ITCH: variants seen among roughly 807,000 people sequenced by gnomAD.
ITCH encodes the protein E3 ubiquitin-protein ligase Itchy homolog.
In ITCH, 28 loss-of-function variants were observed where a neutral mutation model predicts 126.8. The observed-to-expected ratio is 0.22, with a 90% CI of 0.16 to 0.30. The LOEUF (loss-of-function observed/expected upper bound fraction) is 0.30. Among genes scored for constraint, ITCH ranks in the 10% least tolerant of loss-of-function variants. The pLI, the probability that ITCH is intolerant of heterozygous loss-of-function variation, is 1.00. For synonymous variants in ITCH, 342 were observed against 340.0 expected (o/e 1.01, Z -0.06); for missense variants, 631 against 1,032.4 (o/e 0.61, Z 5.33).
chr20:34,412,516 A>G lies in ITCH; in HGVS notation c.214A>G (p.Ile72Val), dbSNP rs746815909. The part of the protein sequence containing the change: ...SPKWKQPLTV[I>V]VTPVSKLHFR... ...TTTTCCCTCTTTTTTCACTTTTAGTATCGTTACCCCTGTGAGTAAATTACA... is the reference window on the plus strand; with the variant it reads ...TTTTCCCTCTTTTTTCACTTTTAGTGTCGTTACCCCTGTGAGTAAATTACA... The change falls in exon 5 of 25, where the codon ATC becomes GTC. Residue 72 changes from isoleucine (I) to valine (V), a missense_variant and splice_region_variant. Coordinates refer to ENST00000374864, the MANE Select transcript of ITCH (RefSeq NM_031483.7). 1.3e-6 allele frequency: 2 copies of G among 1,589,146 alleles called. No homozygotes were observed. Among genetic ancestry groups the G allele is most frequent in the Non-Finnish European group, 1.7e-6 (2 of 1,157,536 alleles).
chr20:34,396,289 C>G (rs1184337460), intron 3 of ITCH, among the ~76,000 whole-genome samples: 1 of 151,944 alleles, frequency 6.6e-6, no homozygotes, highest in African/African-American at 2.4e-5. Context: ...CTGCCTCGGC[C>G]TACCAATGTG....
At chr20:34,459,861 G>T (rs1187641879) in intron 13 of ITCH, among the ~76,000 whole-genome samples, 1 of 152,090 alleles carries the variant, frequency 6.6e-6, no homozygotes, top group Non-Finnish European at 1.5e-5. Context: ...AATTTATTCA[G>T]TTTCCATAAA....
chr20:34,441,591 A>ATTTTTTT (rs55890829), intron 9 of ITCH: 93,243 of 137,056 alleles, frequency 0.68, 33,204 homozygotes, highest in African/African-American at 0.86. Flanking sequence ...TGCCCAGCTA[A>ATTTTTTT]TTTTTTTTTT....
intron 20 of ITCH, among the ~76,000 whole-genome samples, chr20:34,483,626 G>C (rs980149906): frequency 2.6e-5 from 4 of 152,168 alleles, no homozygotes; most frequent in Non-Finnish European, 5.9e-5. Context: ...ATTGCTGTCA[G>C]CATTTTGGTC....
At chr20:34,442,844 C>T (rs765496241) in intron 10 of ITCH, among the ~76,000 whole-genome samples, 14 of 150,480 alleles carry the variant, frequency 9.3e-5, no homozygotes, top group South Asian at 2.1e-4. Flanking sequence ...GGCATGGTGG[C>T]GGGCACCTAT....
intron 20 of ITCH, among the ~76,000 whole-genome samples, chr20:34,482,865 G>A (rs944777954): frequency 3.3e-5 from 5 of 152,164 alleles, no homozygotes; most frequent in African/African-American, 1.2e-4. Flanking sequence ...CCTGCAAGCA[G>A]ACTTTTGCCT....
chr20:34,479,865 T>G, intron 18 of ITCH, 76 bp downstream of exon 18: 1 of 1,271,006 alleles, frequency 7.9e-7, no homozygotes, highest in Non-Finnish European at 1.1e-6. Flanking sequence ...CCATAACAGA[T>G]CATATGAGAG....
At chr20:34,439,630 CTT>C (rs1278183273) in intron 8 of ITCH, among the ~76,000 whole-genome samples, 1 of 152,128 alleles carries the variant, frequency 6.6e-6, no homozygotes, top group African/African-American at 2.4e-5. Flanking sequence ...TTTAAGATGT[CTT>C]TATTATAATC....
chr20:34,468,756 A>C (rs1047035060), intron 14 of ITCH, among the ~76,000 whole-genome samples: 1 of 151,228 alleles, frequency 6.6e-6, no homozygotes, highest in Non-Finnish European at 1.5e-5. Flanking sequence ...GCGCCACTGC[A>C]CTCCAGCCTG....
At chr20:34,440,078 T>A (rs553590322) in intron 8 of ITCH, 77 bp from the exon 9 acceptor site, 11 of 1,046,894 alleles carry the variant, frequency 1.1e-5, no homozygotes, top group South Asian at 8.2e-5. Flanking sequence ...CTGCCTTTTA[T>A]TTTTTACAGT....
rs150949577 is a variant in ITCH, at chr20:34,400,948, G to A, written c.70+7067G>A. On this transcript the variant is annotated intron_variant, in intron 3 of 24. Transcript: ENST00000374864. ...CACTTTTTGTATTTTTAGTAGAGAT[G>A]AGGCTTTACCATGTTGTCCAGGCTG... Among the ~76,000 whole-genome samples the A allele has an allele frequency of 2.0e-5, 3 of 152,184 alleles. No individual in the cohort carries two copies. The East Asian group carries it at 5.8e-4, about 29-fold the overall frequency.
intron 23 of ITCH, among the ~76,000 whole-genome samples, chr20:34,494,173 T>G (rs1989706914): frequency 6.6e-6 from 1 of 152,144 alleles, no homozygotes; most frequent in African/African-American, 2.4e-5. Context: ...GAGGTTGCAG[T>G]GAGCTGAGAT....
At chr20:34,378,637 A>G (rs1007351843) in intron 2 of ITCH, among the ~76,000 whole-genome samples, 3 of 152,144 alleles carry the variant, frequency 2.0e-5, no homozygotes, top group African/African-American at 4.8e-5. Flanking sequence ...AGCTAAATCT[A>G]AATCTCATTT....
intron 16 of ITCH, chr20:34,476,538 AT>A: frequency 2.1e-6 from 2 of 970,752 alleles, no homozygotes; most frequent in Non-Finnish European, 2.6e-6. Flanking sequence ...GACATTTCTC[AT>A]TTGCGTTGCT....
intron 6 of ITCH, among the ~76,000 whole-genome samples, chr20:34,422,240 A>G (rs185382053): frequency 5.3e-5 from 8 of 152,320 alleles, no homozygotes; most frequent in African/African-American, 1.9e-4. Flanking sequence ...GTAAGGTCAC[A>G]AAGTACATGA....
chr20:34,408,786 T>C lies in ITCH; in HGVS notation c.206T>C (p.Leu69Pro). 6.2e-7 allele frequency: 1 copy of C among 1,613,936 alleles called. No homozygotes were observed. The highest frequency in any genetic ancestry group is 8.5e-7 in the Non-Finnish European group (1 of 1,179,878). ...AACAGTCCCAAGTGGAAGCAACCCCTTACAGTGTAAGCTTGGAAGTATTTT... is the reference window on the plus strand; with the variant it reads ...AACAGTCCCAAGTGGAAGCAACCCCCTACAGTGTAAGCTTGGAAGTATTTT... ...NTNSPKWKQP[L>P]TVIVTPVSKL... is the part of the protein sequence containing the mutation. The change falls in exon 4 of 25, where the codon CTT (leucine) becomes CCT (proline). Residue 69 changes from leucine to proline, a missense_variant. Leu to Pro is a moderately conservative substitution (Grantham distance 98). Transcript: ENST00000374864.
At chr20:34,481,866 C>G (rs1988778910) in intron 20 of ITCH, among the ~76,000 whole-genome samples, 1 of 152,138 alleles carries the variant, frequency 6.6e-6, no homozygotes, top group Non-Finnish European at 1.5e-5. Context: ...CAAAAATTAG[C>G]TGGGTGTGGT....
chr20:34,415,028 C>A (rs1979636376), intron 6 of ITCH, among the ~76,000 whole-genome samples: 1 of 152,142 alleles, frequency 6.6e-6, no homozygotes, highest in African/African-American at 2.4e-5. Context: ...TACTGTTTTC[C>A]CATCAGATAT....
rs779377206 is a variant in ITCH at position 34,393,847 on chromosome 20, T to C, written c.36T>C (p.Gly12=). 6.2e-7 allele frequency: 1 copy of C among 1,613,996 alleles called. No individual in the cohort carries two copies. The change falls in exon 3 of 25, where the codon GGT becomes GGC. Residue 12 remains glycine, a synonymous_variant. Transcript: ENST00000374864. ...SDSGSQLGSM[G]SLTMKSQLQI... Reference sequence around the variant, plus strand: ...GTGGATCACAACTTGGTTCAATGGGTAGCCTCACCATGAAATCACAGCTTC... The same window carrying C: ...GTGGATCACAACTTGGTTCAATGGGCAGCCTCACCATGAAATCACAGCTTC...
Sources: gnomAD v4.1 joint callset for allele counts (sites outside exome capture counted in the v4.1 genomes callset) on GRCh38, gnomAD v4.1.1 for gene constraint, MANE v1.5 for transcripts, NCBI Gene and HGNC (gene_info 2026-07-23, HGNC 2026-07-21) for gene names.